The following PCDH15 variants were observed in gnomAD, a reference collection of about 807,000 sequenced individuals.
PCDH15 encodes the protein protocadherin-15.
PCDH15 carries 129 observed loss-of-function variants against 178.5 expected under a neutral mutation model. The observed-to-expected ratio is 0.72, with a 90% CI of 0.63 to 0.84. The LOEUF is 0.84. Ranked by LOEUF, PCDH15 falls within the 40% of genes least tolerant of loss-of-function variation. The pLI, the probability that PCDH15 is intolerant of heterozygous loss-of-function variation, is 0.00. For synonymous variants in PCDH15, 800 were observed against 732.0 expected (o/e 1.09, Z -1.50); for missense variants, 2,230 against 2,099.9 (o/e 1.06, Z -1.21).
chr10:54,708,779 C>CGTGTGT (rs145197882), intron 1 of PCDH15, among the ~76,000 whole-genome samples: 2,817 of 150,406 alleles, frequency 0.019, 58 homozygotes, highest in African/African-American at 0.056. Flanking sequence ...GCCAGAATAA[C>CGTGTGT]GTGTGTGTGT....
At position 54,405,472 on chromosome 10, in the gene PCDH15, G is replaced by A. The variant is rs562832583; in HGVS notation, c.158-26530C>T. On this transcript the variant is annotated intron_variant, in intron 3 of 37. Transcript: ENST00000644397. ...ACTGTATGTTCTCACTTATAAGTGGGATATTAATGATGATAACATGTGGAC... is the reference window on the plus strand; with the variant it reads ...ACTGTATGTTCTCACTTATAAGTGGAATATTAATGATGATAACATGTGGAC... Among the ~76,000 whole-genome samples the A allele has an allele frequency of 3.3e-5, 5 of 152,090 alleles. No individual in the cohort carries two copies. The South Asian group carries it at 1.0e-3, about 32-fold the overall frequency.
At chr10:55,521,227 T>A (rs766033780) in intron 2 of PCDH15, among the ~76,000 whole-genome samples, 1 of 152,028 alleles carries the variant, frequency 6.6e-6, no homozygotes, top group Non-Finnish European at 1.5e-5. Context: ...TTTAGATTTA[T>A]CCATGCTGAT....
rs538598375 is a variant in PCDH15, at chr10:55,542,003, G to T, written c.-156+85622C>A. Among the ~76,000 whole-genome samples the T allele has an allele frequency of 2.6e-5, 4 of 151,532 alleles. No individual in the cohort carries two copies. The South Asian group carries it at 6.2e-4, about 24-fold the overall frequency. ...AGAATACAATATATAAACCTGAGAG[G>T]GAACAAAATTTGCAAATGATCTCTA... On this transcript the variant is annotated intron_variant, in intron 2 of 5. Transcript: ENST00000613346.
At chr10:54,584,062 A>T (rs1033749022) in intron 2 of PCDH15, among the ~76,000 whole-genome samples, 1 of 152,142 alleles carries the variant, frequency 6.6e-6, no homozygotes, top group South Asian at 2.1e-4. Context: ...TTTTAACGGC[A>T]GAACATATCA....
intron 1 of PCDH15, among the ~76,000 whole-genome samples, chr10:55,174,557 A>G (rs1474385965): frequency 6.6e-6 from 1 of 152,212 alleles, no homozygotes; most frequent in Non-Finnish European, 1.5e-5. Flanking sequence ...TTTGCCTTGC[A>G]TGATATTCCA....
chr10:55,107,412 C>T (rs1837377396), intron 2 of PCDH15, among the ~76,000 whole-genome samples: 1 of 151,572 alleles, frequency 6.6e-6, no homozygotes, highest in Non-Finnish European at 1.5e-5. Flanking sequence ...TTAAGCAATA[C>T]CAGATGGCCT....
At chr10:55,223,451 A>G (rs1420069834) in intron 1 of PCDH15, among the ~76,000 whole-genome samples, 1 of 152,116 alleles carries the variant, frequency 6.6e-6, no homozygotes, top group Non-Finnish European at 1.5e-5. Flanking sequence ...TCTAATATCT[A>G]TTTTATTCAG....
intron 1 of PCDH15, among the ~76,000 whole-genome samples, chr10:55,267,010 G>A (rs1411254244): frequency 1.3e-5 from 2 of 152,158 alleles, no homozygotes; most frequent in Non-Finnish European, 2.9e-5. Flanking sequence ...CTAGAGGTTT[G>A]AGCAGCGGGG....
chr10:55,004,160 G>C (rs1000568074), intron 2 of PCDH15, among the ~76,000 whole-genome samples: 6 of 152,200 alleles, frequency 3.9e-5, no homozygotes, highest in Admixed American at 3.9e-4. Flanking sequence ...GGAATGGAGA[G>C]AGAAAAATTA....
At chr10:54,471,277 G>T (rs2077901519) in intron 3 of PCDH15, among the ~76,000 whole-genome samples, 1 of 152,024 alleles carries the variant, frequency 6.6e-6, no homozygotes, top group Admixed American at 6.6e-5. Context: ...AAGAACAGGG[G>T]TTGGTCTTGC....
rs58948747 is a variant in PCDH15 at position 54,116,237 on chromosome 10, CAAAA to C, written c.1917+16634_1917+16637del. ...GTCAATGGAATGGGCACTGAAAATG[CAAAA>C]AAAAAAAAAAAAAGCCATTTGAGTG... On this transcript the variant is annotated intron_variant, in intron 15 of 37. Transcript: ENST00000644397. 7.5e-4 allele frequency among the ~76,000 whole-genome samples: 93 copies of C among 124,736 alleles called. 1 individual carries two copies. Among genetic ancestry groups the C allele is most frequent in the South Asian group, 4.6e-3 (19 of 4,098 alleles). The allele number at this position is 124,736 out of a possible 152,430, so 81.8% of individuals were successfully genotyped here.
intron 2 of PCDH15, among the ~76,000 whole-genome samples, chr10:55,418,939 T>G (rs942960548): frequency 1.3e-5 from 2 of 151,820 alleles, no homozygotes; most frequent in African/African-American, 4.8e-5. Context: ...GAATTCTTTT[T>G]ATATATTCCT....
chr10:54,672,626 A>C (rs1281825644), intron 1 of PCDH15, among the ~76,000 whole-genome samples: 1 of 152,232 alleles, frequency 6.6e-6, no homozygotes, highest in East Asian at 1.9e-4. Flanking sequence ...ATAACCAAAA[A>C]GAAATGAATT....
intron 2 of PCDH15, among the ~76,000 whole-genome samples, chr10:55,578,457 G>A (rs963751740): frequency 6.6e-6 from 1 of 152,056 alleles, no homozygotes; most frequent in Non-Finnish European, 1.5e-5. Context: ...CTGACCTCAC[G>A]ATGCGCCCGC....
chr10:54,181,477 T>C (rs2133773616), intron 13 of PCDH15, among the ~76,000 whole-genome samples: 1 of 152,312 alleles, frequency 6.6e-6, no homozygotes, highest in African/African-American at 2.4e-5. Context: ...TGGGGTATGA[T>C]TGATTCTGTC....
chr10:54,515,739 C>A (rs959324102), intron 3 of PCDH15, among the ~76,000 whole-genome samples: 1 of 152,222 alleles, frequency 6.6e-6, no homozygotes, highest in Non-Finnish European at 1.5e-5. Context: ...CCAGTAGGGG[C>A]AGACTGACAC....
chr10:55,212,179 G>C (rs553457929), intron 1 of PCDH15, among the ~76,000 whole-genome samples: 1 of 152,226 alleles, frequency 6.6e-6, no homozygotes, highest in African/African-American at 2.4e-5. Flanking sequence ...TAGGTTGAGG[G>C]AGGCCAGAAA....
At chr10:55,196,534 A>T in intron 1 of PCDH15, among the ~76,000 whole-genome samples, 1 of 152,078 alleles carries the variant, frequency 6.6e-6, no homozygotes, top group Non-Finnish European at 1.5e-5. Context: ...CTTCCTGGAT[A>T]TAATCACAGG....
intron 2 of PCDH15, among the ~76,000 whole-genome samples, chr10:55,472,044 A>T (rs1472132119): frequency 1.3e-5 from 2 of 152,140 alleles, no homozygotes; most frequent in African/African-American, 2.4e-5. Flanking sequence ...GGTTTCTCAG[A>T]GTGTTCTCAG....
Sources: gnomAD v4.1 joint callset for allele counts (sites outside exome capture counted in the v4.1 genomes callset) on GRCh38, gnomAD v4.1.1 for gene constraint, MANE v1.5 for transcripts, NCBI Gene and HGNC (gene_info 2026-07-23, HGNC 2026-07-21) for gene names.